The following SLC4A10 variants were observed in gnomAD, a reference collection of about 807,000 sequenced individuals.
SLC4A10 encodes the protein sodium-driven chloride bicarbonate exchanger.
Under a neutral mutation model 137.7 loss-of-function variants are expected in SLC4A10, and 42 were observed. That is an observed-to-expected ratio of 0.30 (90% CI 0.24 to 0.39). The LOEUF (loss-of-function observed/expected upper bound fraction) is 0.39. Among genes scored for constraint, SLC4A10 ranks in the 10% least tolerant of loss-of-function variants. SLC4A10 has a pLI of 1.00. For synonymous variants in SLC4A10, 474 were observed against 464.1 expected, an observed-to-expected ratio of 1.02 and a Z score of -0.27; for missense variants, 925 against 1,355.0, an observed-to-expected ratio of 0.68 and a Z score of 4.98.
intron 3 of SLC4A10, among the ~76,000 whole-genome samples, chr2:161,827,631 T>A (rs2058103121): frequency 6.6e-6 from 1 of 152,012 alleles, no homozygotes; most frequent in African/African-American, 2.4e-5. Context: ...TGGCGCGCGA[T>A]CTCGGCTCAC....
intron 1 of SLC4A10, among the ~76,000 whole-genome samples, chr2:161,671,384 G>A (rs187179831): frequency 3.5e-4 from 54 of 152,258 alleles, no homozygotes; most frequent in Admixed American, 2.3e-3. Context: ...TTCATAAGTT[G>A]CCCAGTCTCA....
chr2:161,753,486 A>G (rs1201533311), intron 1 of SLC4A10, among the ~76,000 whole-genome samples: 6 of 152,164 alleles, frequency 3.9e-5, no homozygotes, highest in Non-Finnish European at 5.9e-5. Flanking sequence ...CTGCTTCTCC[A>G]CTTACTGGTT....
intron 10 of SLC4A10, among the ~76,000 whole-genome samples, chr2:161,894,438 C>A (rs2105214378): frequency 6.6e-6 from 1 of 151,998 alleles, no homozygotes; most frequent in East Asian, 1.9e-4. Flanking sequence ...CTTTTTCTTT[C>A]CCTTACTCCT....
At chr2:161,628,735 T>C (rs13401283) in intron 1 of SLC4A10, among the ~76,000 whole-genome samples, 1,731 of 152,182 alleles carry the variant, frequency 0.011, 32 homozygotes, top group African/African-American at 0.039. Context: ...TTTGAATTGT[T>C]ACTCTAGCAT....
intron 1 of SLC4A10, among the ~76,000 whole-genome samples, chr2:161,631,764 C>T (rs2033602356): frequency 6.6e-6 from 1 of 151,712 alleles, no homozygotes; most frequent in African/African-American, 2.4e-5. Flanking sequence ...GTGGTTCCTA[C>T]ATTGAGCTTA....
intron 10 of SLC4A10, among the ~76,000 whole-genome samples, chr2:161,894,349 G>A (rs1023795193): frequency 2.6e-5 from 4 of 151,868 alleles, no homozygotes; most frequent in South Asian, 2.1e-4. Flanking sequence ...TGTAAGCAAA[G>A]GCTTCCTCCA....
intron 1 of SLC4A10, among the ~76,000 whole-genome samples, chr2:161,702,092 A>G (rs942570017): frequency 6.6e-6 from 1 of 152,006 alleles, no homozygotes; most frequent in Admixed American, 6.6e-5. Flanking sequence ...TTGAAGAGAT[A>G]TCTGCATTCC....
chr2:161,655,977 C>T (rs1449694571), intron 1 of SLC4A10, among the ~76,000 whole-genome samples: 7 of 151,796 alleles, frequency 4.6e-5, no homozygotes, highest in African/African-American at 1.5e-4. Context: ...CCATGCCTGA[C>T]TAATTTTTGT....
At chr2:161,669,313 A>G (rs913487100) in intron 1 of SLC4A10, among the ~76,000 whole-genome samples, 1 of 151,854 alleles carries the variant, frequency 6.6e-6, no homozygotes, top group Admixed American at 6.6e-5. Context: ...GGATATATCC[A>G]AGTAAAAAGT....
At chr2:161,785,249 C>T (rs138770421) in intron 2 of SLC4A10, among the ~76,000 whole-genome samples, 3 of 151,792 alleles carry the variant, frequency 2.0e-5, no homozygotes, top group Admixed American at 2.0e-4. Flanking sequence ...TAAAAGACCT[C>T]CAAACAAAGA....
At chr2:161,754,897 A>C (rs2049427445) in intron 1 of SLC4A10, among the ~76,000 whole-genome samples, 1 of 152,118 alleles carries the variant, frequency 6.6e-6, no homozygotes, top group South Asian at 2.1e-4. Context: ...TTTAATTACA[A>C]ATGCAACTAC....
intron 1 of SLC4A10, among the ~76,000 whole-genome samples, chr2:161,655,690 A>G (rs979826392): frequency 6.6e-6 from 1 of 152,248 alleles, no homozygotes; most frequent in African/African-American, 2.4e-5. Context: ...TCATGAGGCC[A>G]ATATTACCCT....
Position 161,965,232 on chromosome 2 carries a change from T to A in SLC4A10, c.3159+59T>A, listed in dbSNP as rs1307536114. On this transcript the variant is annotated intron_variant, in intron 23 of 26. Transcript: ENST00000446997. ...AAAAAGGAACATAGTAATATTTCTT[T>A]GCAAAACTAAATTATTGTTTTTATC... 2.0e-6 allele frequency: 3 copies of A among 1,508,124 alleles called. No individual in the cohort carries two copies. In the Admixed American group the frequency reaches 6.2e-5, roughly 31 times the overall value. The allele number at this position is 1,508,124 out of a possible 1,614,324, so 93.4% of individuals were successfully genotyped here. A position where few individuals can be genotyped will look rare whatever the true frequency, so the allele number is the denominator to read the frequency against.
chr2:161,645,715 A>C (rs945624851), intron 1 of SLC4A10, among the ~76,000 whole-genome samples: 40 of 152,214 alleles, frequency 2.6e-4, no homozygotes, highest in African/African-American at 8.4e-4. Context: ...AATATTCCCC[A>C]AAAATTTAGT....
intron 2 of SLC4A10, among the ~76,000 whole-genome samples, chr2:161,803,515 T>C (rs574467129): frequency 1.3e-5 from 2 of 152,162 alleles, no homozygotes; most frequent in Non-Finnish European, 2.9e-5. Flanking sequence ...GCTCCACCTG[T>C]TCATCCCTAT....
At chr2:161,970,732 A>G (rs1013557669) in intron 23 of SLC4A10, among the ~76,000 whole-genome samples, 1 of 152,258 alleles carries the variant, frequency 6.6e-6, no homozygotes, top group Non-Finnish European at 1.5e-5. Context: ...TAATTAAAGG[A>G]TAACTATCTT....
chr2:161,683,244 A>G (rs1177885024), intron 1 of SLC4A10, among the ~76,000 whole-genome samples: 1 of 152,202 alleles, frequency 6.6e-6, no homozygotes, highest in African/African-American at 2.4e-5. Context: ...CTCATATTAG[A>G]ACATTGAGGT....
intron 1 of SLC4A10, among the ~76,000 whole-genome samples, chr2:161,753,068 G>T (rs574381199): frequency 6.6e-6 from 1 of 152,076 alleles, no homozygotes; most frequent in South Asian, 2.1e-4. Context: ...CATCAAAAAG[G>T]AGGATAAAAT....
At chr2:161,892,114 G>T (rs1364456391) in intron 10 of SLC4A10, among the ~76,000 whole-genome samples, 1 of 152,004 alleles carries the variant, frequency 6.6e-6, no homozygotes, top group Non-Finnish European at 1.5e-5. Context: ...ACAAATTATG[G>T]CATCTATACC....
Sources: gnomAD v4.1 joint callset for allele counts (sites outside exome capture counted in the v4.1 genomes callset) on GRCh38, gnomAD v4.1.1 for gene constraint, MANE v1.5 for transcripts, NCBI Gene and HGNC (gene_info 2026-07-23, HGNC 2026-07-21) for gene names.